Variants in DGKK observed in about 807,000 individuals in gnomAD.
DGKK encodes the protein diacylglycerol kinase kappa.
In DGKK, 35 loss-of-function variants were observed where a neutral mutation model predicts 92.2. The ratio of observed to expected loss-of-function variants is 0.38; its 90% CI spans 0.29 to 0.50. The LOEUF is 0.50. Among genes scored for constraint, DGKK ranks in the 20% least tolerant of loss-of-function variants. The pLI, the probability that DGKK is intolerant of heterozygous loss-of-function variation, is 0.92. For missense variants in DGKK, 910 were observed against 992.2 expected (o/e 0.92, Z 1.11); for synonymous variants, 368 against 360.6 (o/e 1.02, Z -0.23).
At chrX:50,416,477 C>T (rs1272414248) in intron 4 of DGKK, among the ~76,000 whole-genome samples, 2 of 112,524 alleles carry the variant, frequency 1.8e-5, no homozygotes, top group Non-Finnish European at 3.8e-5. Context: ...AAATATCCCA[C>T]AAAGCACAAA....
At position 50,447,363 on chromosome X, in the gene DGKK, TATATATTATA is replaced by T. The variant is rs1926359866; in HGVS notation, c.645+22661_645+22670del. ...ATATATTATATATATATATAATATA[TATATATTATA>T]TATATATATAATATATATATATTAT... On this transcript the variant is annotated intron_variant, in intron 1 of 27. Transcript: ENST00000611977. Among the ~76,000 whole-genome samples the T allele has an allele frequency of 5.8e-4, 8 of 13,881 alleles. 1 individual carries two copies. In the African/African-American group the frequency reaches 6.4e-3, roughly 11 times the overall value. 12.1% of individuals were successfully genotyped at this position (13,881 alleles called of 115,157 possible). A position where few individuals can be genotyped will look rare whatever the true frequency, so the allele number is the denominator to read the frequency against.
Position 50,390,372 on chromosome X carries a change from G to A in DGKK, c.1882C>T (p.Pro628Ser). ...ATTTCAACCTGTCCTTTTAGCAGCG[G>A]GGTTTGTCTGGGAGTCTCACGAATC... ...VMIRETPRQT[P>S]LLKGQVEMDV... Residue 628 changes from proline to serine, a missense_variant, in exon 12 of 28, where the codon CCG becomes TCG. By Grantham distance (74) the Pro-to-Ser change is moderately conservative. Coordinates refer to ENST00000611977, the MANE Select transcript of DGKK (RefSeq NM_001013742.4). 6.6e-6 allele frequency: 8 copies of A among 1,211,150 alleles called. No homozygotes were observed. Among genetic ancestry groups the A allele is most frequent in the Non-Finnish European group, 8.9e-6 (8 of 894,937 alleles).
At chrX:50,445,460 T>C (rs1198101363) in intron 1 of DGKK, among the ~76,000 whole-genome samples, 1 of 111,133 alleles carries the variant, frequency 9.0e-6, no homozygotes, top group Non-Finnish European at 1.9e-5. Context: ...TTTTTGTATA[T>C]GGTGTAAGGA....
intron 8 of DGKK, among the ~76,000 whole-genome samples, chrX:50,399,578 G>C (rs1924941706): frequency 2.7e-5 from 3 of 111,865 alleles, no homozygotes; most frequent in African/African-American, 6.5e-5. Context: ...AAACATTCCA[G>C]GAAGAATTTG....
At chrX:50,448,417 A>T (rs1255304274) in intron 1 of DGKK, among the ~76,000 whole-genome samples, 1 of 111,075 alleles carries the variant, frequency 9.0e-6, no homozygotes, top group Non-Finnish European at 1.9e-5. Context: ...TCTATTAATT[A>T]TCCGAGAATG....
At position 50,378,134 on chromosome X, in the gene DGKK, T is replaced by C; in HGVS notation, c.3075A>G (p.Arg1025=). The part of the protein sequence containing the change: ...WIQRPGLIKI[R]YKNAAQMLTR... ...TCAGCATCTGGGCAGCGTTCTTGTA[T>C]CTAATTTTGATAAGGCCTGGTCTCT... Residue 1025 remains arginine (R), a synonymous_variant, in exon 22 of 28, where the codon AGA becomes AGG. Coordinates refer to ENST00000611977, the MANE Select transcript of DGKK (RefSeq NM_001013742.4). 3 of 1,210,216 alleles carry C rather than the reference T, an allele frequency of 2.5e-6. No homozygotes were observed. Among genetic ancestry groups the C allele is most frequent in the Non-Finnish European group, 3.4e-6 (3 of 894,993 alleles).
Position 50,470,109 on chromosome X carries a change from C to T in DGKK, c.570G>A (p.Glu190=), listed in dbSNP as rs781847216. The change falls in exon 1 of 28, where the codon GAG becomes GAA. Residue 190 remains glutamate (E), a synonymous_variant. Transcript: ENST00000611977. ...CLLQCPVDTR[E]RGLKTSPSPS... is the part of the protein sequence containing the mutation. Reference sequence around the variant, plus strand: ...GCGATGGCGAGGTCTTTAGACCTCTCTCTCGAGTGTCCACCGGACATTGCA... The same window carrying T: ...GCGATGGCGAGGTCTTTAGACCTCTTTCTCGAGTGTCCACCGGACATTGCA... 2 of 1,212,028 alleles carry T rather than the reference C, an allele frequency of 1.7e-6. No individual in the cohort carries two copies. The highest frequency in any genetic ancestry group is 4.3e-5 in the Admixed American group (2 of 46,121).
chrX:50,431,452 A>AC (rs1263407676), intron 1 of DGKK, among the ~76,000 whole-genome samples: 1 of 111,572 alleles, frequency 9.0e-6, no homozygotes, highest in Admixed American at 9.5e-5. Context: ...CATGACATGC[A>AC]CCACTACCTG....
At chrX:50,429,581 T>A (rs909878490) in intron 1 of DGKK, among the ~76,000 whole-genome samples, 2 of 110,782 alleles carry the variant, frequency 1.8e-5, no homozygotes, top group Non-Finnish European at 3.8e-5. Flanking sequence ...CCCAGCTACT[T>A]GGGAGGCTGA....
chrX:50,402,927 C>T, intron 7 of DGKK, 134 bp downstream of exon 7: 1 of 862,603 alleles, frequency 1.2e-6, no homozygotes, highest in East Asian at 3.5e-5. Context: ...AAGATTTATA[C>T]TATGGAATCT....
intron 27 of DGKK, among the ~76,000 whole-genome samples, chrX:50,369,825 A>G (rs148164311): frequency 0.02 from 2,237 of 111,308 alleles, 48 homozygotes; most frequent in African/African-American, 0.07. Context: ...CGGCCTTCCA[A>G]AGTGTTGGGA....
At chrX:50,395,270 C>T (rs188578256) in intron 8 of DGKK, among the ~76,000 whole-genome samples, 1 of 111,930 alleles carries the variant, frequency 8.9e-6, no homozygotes, top group Admixed American at 9.5e-5. Context: ...GCTTACCTCT[C>T]CCTTGTTTTA....
In DGKK at chrX:50,445,199, A is replaced by G. The variant is rs781973781; in HGVS notation, c.646-20841T>C. Among the ~76,000 whole-genome samples the G allele has an allele frequency of 1.4e-3, 135 of 99,798 alleles. 1 individual carries two copies. Among genetic ancestry groups the G allele is most frequent in the African/African-American group, 4.8e-3 (127 of 26,455 alleles). The allele number at this position is 99,798 out of a possible 115,157, so 86.7% of individuals were successfully genotyped here. A position where few individuals can be genotyped will look rare whatever the true frequency, so the allele number is the denominator to read the frequency against. ...GATATTAGACCTTTGTCAGATGCAT[A>G]GTTTGCAAATATTTTTCCCATTCTG... On this transcript the variant is annotated intron_variant, in intron 1 of 27. Coordinates refer to ENST00000611977, the MANE Select transcript of DGKK (RefSeq NM_001013742.4).
intron 1 of DGKK, among the ~76,000 whole-genome samples, chrX:50,460,394 A>C (rs1217568529): frequency 1.9e-4 from 21 of 111,644 alleles, no homozygotes. Flanking sequence ...GAAAAGGCTC[A>C]GTCCTCAGAA....
chrX:50,430,217 A>T (rs1006028000), intron 1 of DGKK, among the ~76,000 whole-genome samples: 1 of 112,382 alleles, frequency 8.9e-6, no homozygotes, highest in South Asian at 3.7e-4. Flanking sequence ...CAGCTATTTC[A>T]TAAGAAGGGA....
At chrX:50,423,487 A>G (rs1925653215) in intron 2 of DGKK, among the ~76,000 whole-genome samples, 1 of 112,206 alleles carries the variant, frequency 8.9e-6, no homozygotes, top group African/African-American at 3.2e-5. Flanking sequence ...GCCCTATTGT[A>G]TTCTTTCTTG....
chrX:50,380,471 G>A (rs1363294845), intron 18 of DGKK, among the ~76,000 whole-genome samples: 2 of 111,398 alleles, frequency 1.8e-5, no homozygotes, highest in East Asian at 2.8e-4. Context: ...AATTTCATTT[G>A]AAACACGTGA....
chrX:50,416,840 C>T (rs1394760853), intron 4 of DGKK, among the ~76,000 whole-genome samples: 2 of 110,966 alleles, frequency 1.8e-5, no homozygotes, highest in Non-Finnish European at 3.8e-5. Context: ...TTGATCTATA[C>T]GATTCAGTTG....
intron 17 of DGKK, among the ~76,000 whole-genome samples, chrX:50,383,693 G>A (rs1273480649): frequency 9.0e-6 from 1 of 111,324 alleles, no homozygotes; most frequent in Non-Finnish European, 1.9e-5. Context: ...GGCAGAACTT[G>A]GCTGCTGCCG....
Sources: gnomAD v4.1 joint callset for allele counts (sites outside exome capture counted in the v4.1 genomes callset) on GRCh38, gnomAD v4.1.1 for gene constraint, MANE v1.5 for transcripts, NCBI Gene and HGNC (gene_info 2026-07-23, HGNC 2026-07-21) for gene names.